Variants in GSAP observed in about 807,000 individuals in gnomAD.
GSAP encodes gamma-secretase-activating protein.
In GSAP, 118 loss-of-function variants were observed where a neutral mutation model predicts 131.7. The ratio of observed to expected loss-of-function variants is 0.90; its 90% CI spans 0.77 to 1.04. The LOEUF is 1.04. Ranked by LOEUF, GSAP falls within the 50% of genes least tolerant of loss-of-function variation. The probability of loss-of-function intolerance (pLI) is 0.00; values close to 1 mark genes in which losing one functional copy is unlikely to be tolerated. For synonymous variants in GSAP, 381 were observed against 363.4 expected, an observed-to-expected ratio of 1.05 and a Z score of -0.55; for missense variants, 1,019 against 1,013.2, an observed-to-expected ratio of 1.01 and a Z score of -0.08.
At chr7:77,368,225 G>A (rs1197558273) in intron 12 of GSAP, among the ~76,000 whole-genome samples, 2 of 151,748 alleles carry the variant, frequency 1.3e-5, no homozygotes, top group African/African-American at 4.8e-5. Flanking sequence ...TTCTCCATGG[G>A]TTAAGTTGTT....
chr7:77,328,335 C>T, intron 22 of GSAP: 1 of 1,212,392 alleles, frequency 8.2e-7, no homozygotes, highest in South Asian at 3.5e-5. Flanking sequence ...GAGGGCAGCT[C>T]TGTATGACAG....
chr7:77,354,472 G>A (rs1793358974), intron 16 of GSAP, among the ~76,000 whole-genome samples: 1 of 152,086 alleles, frequency 6.6e-6, no homozygotes, highest in African/African-American at 2.4e-5. Flanking sequence ...AGCTTGCTTT[G>A]TAAGGGTCTT....
intron 5 of GSAP, among the ~76,000 whole-genome samples, chr7:77,392,164 G>C (rs2151101632): frequency 6.6e-6 from 1 of 151,966 alleles, no homozygotes; most frequent in East Asian, 1.9e-4. Flanking sequence ...GGAGGTTACA[G>C]TGAGCCGAGA....
chr7:77,384,382 T>C (rs905016237), intron 6 of GSAP, among the ~76,000 whole-genome samples: 8 of 152,208 alleles, frequency 5.3e-5, no homozygotes, highest in Non-Finnish European at 1.0e-4. Flanking sequence ...CTTTCTATTA[T>C]AAGGTGGTCC....
rs764890839 is a variant in GSAP, at chr7:77,370,566, A to G, written c.871+3504T>C. On this transcript the variant is annotated intron_variant, in intron 12 of 30. Coordinates refer to ENST00000257626, the MANE Select transcript of GSAP (RefSeq NM_017439.4). Reference sequence around the variant, plus strand: ...ATCCCACCTTCTAAGCAAATTCACTATACCAGTTATCCTCTCTGCTATGTA... The same window carrying G: ...ATCCCACCTTCTAAGCAAATTCACTGTACCAGTTATCCTCTCTGCTATGTA... 8.9e-4 allele frequency among the ~76,000 whole-genome samples: 135 copies of G among 152,298 alleles called. 1 individual carries two copies. The highest frequency in any genetic ancestry group is 1.0e-3 in the Admixed American group (16 of 15,296).
chr7:77,392,913 C>A lies in GSAP; in HGVS notation c.367+4069G>T, dbSNP rs182231550. On this transcript the variant is annotated intron_variant, in intron 5 of 30. Coordinates refer to ENST00000257626, the MANE Select transcript of GSAP (RefSeq NM_017439.4). ...ACCCATATGGTCACCCCAATTGCTG[C>A]CCAGTGGAAATCTGCTGTGACTTGT... Among the ~76,000 whole-genome samples, 26 of 152,240 alleles carry A rather than the reference C, an allele frequency of 1.7e-4. No individual in the cohort carries two copies. The East Asian group carries it at 4.6e-3, about 27-fold the overall frequency.
intron 19 of GSAP, among the ~76,000 whole-genome samples, chr7:77,343,490 T>G (rs1265469690): frequency 6.6e-6 from 1 of 152,184 alleles, no homozygotes; most frequent in Non-Finnish European, 1.5e-5. Context: ...CATTAATGCC[T>G]CTTTAATAAA....
intron 12 of GSAP, among the ~76,000 whole-genome samples, chr7:77,372,940 T>C (rs1210639924): frequency 1.3e-5 from 2 of 152,128 alleles, no homozygotes; most frequent in African/African-American, 4.8e-5. Flanking sequence ...TTGAGCTCCC[T>C]AGGACTGGTG....
At chr7:77,412,776 CA>C (rs34619648) in intron 1 of GSAP, among the ~76,000 whole-genome samples, 73,321 of 111,078 alleles carry the variant, frequency 0.66, 20,940 homozygotes, top group East Asian at 0.78. Flanking sequence ...ACCAGTTTGA[CA>C]AAAAAAAAAA....
In GSAP at chr7:77,314,385, T is replaced by C. The variant is rs1176091550; in HGVS notation, c.2194A>G (p.Ile732Val). 6.2e-7 allele frequency: 1 copy of C among 1,613,792 alleles called. No homozygotes were observed. ...GVLLLTETAV[I>V]RLMKDLDNTE... is the part of the protein sequence containing the mutation. The stretch of plus-strand genomic sequence containing the variant: ...GGCTTCTTACCTTTCATGAGCCTTA[T>C]GACAGCTGTTTCAGTGAGAAGCAAC... The change falls in exon 27 of 31, where the codon ATA becomes GTA. Residue 732 changes from isoleucine (I) to valine (V), a missense_variant. Coordinates refer to ENST00000257626, the MANE Select transcript of GSAP (RefSeq NM_017439.4).
intron 1 of GSAP, among the ~76,000 whole-genome samples, chr7:77,406,515 T>C (rs1267776377): frequency 6.6e-6 from 1 of 152,248 alleles, no homozygotes; most frequent in African/African-American, 2.4e-5. Context: ...TAGCCTCCTG[T>C]AGATTAACCA....
chr7:77,374,775 T>C (rs1453949368), intron 11 of GSAP, among the ~76,000 whole-genome samples: 6 of 152,214 alleles, frequency 3.9e-5, no homozygotes, highest in Non-Finnish European at 4.4e-5. Context: ...CGAATCCCTC[T>C]ATTTAATCGC....
intron 12 of GSAP, among the ~76,000 whole-genome samples, chr7:77,368,789 G>A (rs1563046847): frequency 6.6e-6 from 1 of 152,200 alleles, no homozygotes; most frequent in Non-Finnish European, 1.5e-5. Flanking sequence ...AAGATACTGT[G>A]TATAAAGAGA....
intron 12 of GSAP, among the ~76,000 whole-genome samples, chr7:77,373,575 C>T (rs946171479): frequency 1.3e-5 from 2 of 151,796 alleles, no homozygotes; most frequent in African/African-American, 4.8e-5. Flanking sequence ...TTTTCTTTAC[C>T]CTCTGCATTT....
chr7:77,316,711 C>T (rs1185154243), intron 26 of GSAP, among the ~76,000 whole-genome samples: 1 of 152,162 alleles, frequency 6.6e-6, no homozygotes, highest in Non-Finnish European at 1.5e-5. Flanking sequence ...GATGACCCTT[C>T]ATCCTCTATC....
At chr7:77,410,363 T>A (rs1563145133) in intron 1 of GSAP, among the ~76,000 whole-genome samples, 1 of 152,178 alleles carries the variant, frequency 6.6e-6, no homozygotes, top group South Asian at 2.1e-4. Flanking sequence ...GAGTTGCCCA[T>A]GTCTTAACAC....
chr7:77,389,657 C>A (rs1473310224), intron 5 of GSAP, among the ~76,000 whole-genome samples: 1 of 152,058 alleles, frequency 6.6e-6, no homozygotes, highest in Non-Finnish European at 1.5e-5. Context: ...TGTATATGTG[C>A]CACATTTTCT....
intron 30 of GSAP, 124 bp downstream of exon 30, chr7:77,311,716 CA>C (rs1794380036): frequency 1.6e-6 from 1 of 612,156 alleles, no homozygotes; most frequent in Admixed American, 2.9e-5. Context: ...TAATGTAAAC[CA>C]ATTGCTATAA....
intron 24 of GSAP, among the ~76,000 whole-genome samples, chr7:77,322,208 C>T (rs1354801381): frequency 1.3e-5 from 2 of 152,202 alleles, no homozygotes; most frequent in African/African-American, 4.8e-5. Context: ...AGTAAGTTAA[C>T]ATGTAACCAA....
Sources: allele counts gnomAD v4.1 joint callset (sites outside exome capture counted in the v4.1 genomes callset), GRCh38; gene constraint gnomAD v4.1.1; transcripts MANE v1.5; gene names NCBI Gene and HGNC (gene_info 2026-07-23, HGNC 2026-07-21).